Variants in FAT4 observed in about 807,000 individuals in gnomAD.
The protein encoded by FAT4 is protocadherin Fat 4.
In FAT4, 84 loss-of-function variants were observed where a neutral mutation model predicts 303.9. The observed-to-expected ratio is 0.28, with a 90% CI of 0.23 to 0.33. The LOEUF is 0.33. Among genes scored for constraint, FAT4 ranks in the 10% least tolerant of loss-of-function variants. FAT4 has a pLI of 1.00. For missense variants in FAT4, 6,005 were observed against 6,146.8 expected (o/e 0.98, Z 0.77); for synonymous variants, 2,307 against 2,298.8 (o/e 1.00, Z -0.10).
At position 125,317,319 on chromosome 4, in the gene FAT4, G is replaced by T; in HGVS notation, c.908G>T (p.Gly303Val). The T allele has an allele frequency of 6.2e-7, 1 of 1,608,916 alleles. No homozygotes were observed. The highest frequency in any genetic ancestry group is 8.5e-7 in the Non-Finnish European group (1 of 1,176,658). ...CCCTTCCAAATGGACCCTGAGACGG[G>T]ACTTATCACGGTGCGGGAGCCCCTG... is the stretch of plus-strand genomic sequence containing the variant. ...GTPFQMDPETGLITVREPLDF... is the reference protein window; with the variant it reads ...GTPFQMDPETVLITVREPLDF... The change falls in exon 2 of 18, where the codon GGA (glycine) becomes GTA (valine). Residue 303 changes from glycine to valine, a missense_variant. Physicochemically the swap from Gly to Val is moderately radical, Grantham distance 109. Coordinates refer to ENST00000394329, the MANE Select transcript of FAT4 (RefSeq NM_001291303.3). The surrounding 1 kb of genome is among the most constrained non-coding windows in gnomAD (Gnocchi z 7.0).
Position 125,490,346 on chromosome 4 carries a change from C to T in FAT4, c.13530C>T (p.Ile4510=), listed in dbSNP as rs774693839. 3.7e-6 allele frequency: 6 copies of T among 1,613,986 alleles called. No individual in the cohort carries two copies. The highest frequency in any genetic ancestry group is 2.7e-5 in the African/African-American group (2 of 74,904). ...ISLPLWAVPA[I]VGSCATVLAL... ...TGCCTTTGTGGGCTGTGCCTGCCAT[C>T]GTGGGCAGCTGCGCAACCGTCTTGG... is the stretch of plus-strand genomic sequence containing the variant. Residue 4510 remains isoleucine (I), a synonymous_variant, in exon 18 of 18, where the codon ATC becomes ATT. Coordinates refer to ENST00000394329, the MANE Select transcript of FAT4 (RefSeq NM_001291303.3).
chr4:125,475,607 TAAC>T (rs1480813862), intron 12 of FAT4, among the ~76,000 whole-genome samples: 1 of 152,122 alleles, frequency 6.6e-6, no homozygotes, highest in Non-Finnish European at 1.5e-5. Flanking sequence ...TAATTATTCT[TAAC>T]AAAAATGAGA....
At position 125,446,376 on chromosome 4, in the gene FAT4, A is replaced by G. The variant is rs1270316857; in HGVS notation, c.7283A>G (p.Glu2428Gly). The change falls in exon 9 of 18, where the codon GAA (glutamate) becomes GGA (glycine). Residue 2428 changes from glutamate to glycine, a missense_variant. Coordinates refer to ENST00000394329, the MANE Select transcript of FAT4 (RefSeq NM_001291303.3). ...QIITSALLDR[E>G]TKDNYTLVVV... ...ATCACCAGCGCATTGTTAGATAGGG[A>G]AACAAAAGATAATTATACTTTGGTA... is the stretch of plus-strand genomic sequence containing the variant. 2 of 1,613,496 alleles carry G rather than the reference A, an allele frequency of 1.2e-6. No homozygotes were observed. Among genetic ancestry groups the G allele is most frequent in the Admixed American group, 3.3e-5 (2 of 59,978 alleles).
At chr4:125,321,710 C>G in intron 2 of FAT4, 124 bp downstream of exon 2, 1 of 993,168 alleles carries the variant, frequency 1.0e-6, no homozygotes, top group African/African-American at 1.6e-5. Flanking sequence ...ACAGGAACAC[C>G]TAAAAATGTT....
chr4:125,401,552 A>G (rs916467252), intron 3 of FAT4, among the ~76,000 whole-genome samples: 1 of 151,916 alleles, frequency 6.6e-6, no homozygotes, highest in African/African-American at 2.4e-5. Context: ...TACTTTACCT[A>G]ACATATAAGT....
intron 2 of FAT4, among the ~76,000 whole-genome samples, chr4:125,331,078 T>G (rs985107896): frequency 6.6e-6 from 1 of 152,162 alleles, no homozygotes; most frequent in African/African-American, 2.4e-5. Flanking sequence ...CCCTCCAGTT[T>G]TCGTTTTTCT....
chr4:125,444,608 C>A (rs1033163166), intron 8 of FAT4, among the ~76,000 whole-genome samples: 1 of 152,096 alleles, frequency 6.6e-6, no homozygotes, highest in Non-Finnish European at 1.5e-5. Flanking sequence ...CCTATCAACA[C>A]ATTACGCTTA....
intron 11 of FAT4, among the ~76,000 whole-genome samples, chr4:125,467,242 A>G (rs188043568): frequency 1.3e-5 from 2 of 152,290 alleles, no homozygotes; most frequent in African/African-American, 4.8e-5. Flanking sequence ...CAATCAGTAG[A>G]TCTGGCCTCA....
intron 2 of FAT4, among the ~76,000 whole-genome samples, chr4:125,384,723 TA>T (rs1733668410): frequency 6.6e-6 from 1 of 152,006 alleles, no homozygotes; most frequent in South Asian, 2.1e-4. Context: ...ATTTTTTACT[TA>T]GAGCAACATG....
intron 2 of FAT4, among the ~76,000 whole-genome samples, chr4:125,329,877 C>G (rs1731308769): frequency 6.6e-6 from 1 of 152,172 alleles, no homozygotes; most frequent in African/African-American, 2.4e-5. Context: ...TTCTTTCTCA[C>G]CCTACTTACA....
At position 125,406,915 on chromosome 4, in the gene FAT4, T is replaced by A. The variant is rs778409574; in HGVS notation, c.5343T>A (p.Ser1781Arg). The change falls in exon 4 of 18, where the codon AGT (serine) becomes AGA (arginine). Residue 1781 changes from serine to arginine, a missense_variant. Physicochemically the swap from Ser to Arg is moderately radical, Grantham distance 110 (BLOSUM62 -1). Transcript: ENST00000394329. ...CTCTCGTCACATACACTATCATTAG[T>A]GGAGCTGATGATAGTTTTCGCATCG... ...ANALVTYTII[S>R]GADDSFRIDP... 1 of 1,613,630 alleles carries A rather than the reference T, an allele frequency of 6.2e-7. No individual in the cohort carries two copies. The highest frequency in any genetic ancestry group is 1.3e-5 in the African/African-American group (1 of 74,878).
At chr4:125,361,472 G>C (rs891060671) in intron 2 of FAT4, among the ~76,000 whole-genome samples, 1 of 152,136 alleles carries the variant, frequency 6.6e-6, no homozygotes, top group African/African-American at 2.4e-5. Context: ...CATTGTCTTT[G>C]TTTAAAAGGA....
chr4:125,339,410 A>G (rs1475632407), intron 2 of FAT4, among the ~76,000 whole-genome samples: 2 of 151,934 alleles, frequency 1.3e-5, no homozygotes, highest in Non-Finnish European at 2.9e-5. Context: ...GTTAGCCAGG[A>G]TGGTCTCGAT....
chr4:125,383,865 G>A (rs1243173483), intron 2 of FAT4, among the ~76,000 whole-genome samples: 1 of 151,946 alleles, frequency 6.6e-6, no homozygotes, highest in Non-Finnish European at 1.5e-5. Flanking sequence ...ATAAATCCAT[G>A]GAAATCCTTT....
rs1009115257 is a variant in FAT4 at position 125,415,620 on chromosome 4, A to G, written c.6657A>G (p.Arg2219=). The G allele has an allele frequency of 6.2e-7, 1 of 1,613,968 alleles. No homozygotes were observed. Among genetic ancestry groups the G allele is most frequent in the Non-Finnish European group, 8.5e-7 (1 of 1,179,982 alleles). ...GAITVAKPLD[R]EKTPTYHLTV... is the part of the protein sequence containing the mutation. The stretch of plus-strand genomic sequence containing the variant: ...TCACTGTCGCTAAACCTTTGGATAG[A>G]GAAAAGACCCCTACCTACCATTTAA... The change falls in exon 6 of 18, where the codon AGA becomes AGG. Residue 2219 remains arginine (R), a synonymous_variant. Transcript: ENST00000394329.
intron 5 of FAT4, among the ~76,000 whole-genome samples, chr4:125,412,009 C>A (rs72914907): frequency 8.1e-4 from 123 of 151,548 alleles, no homozygotes; most frequent in African/African-American, 2.8e-3. Context: ...GCCATTAAAG[C>A]CCACTAAATT....
intron 2 of FAT4, among the ~76,000 whole-genome samples, chr4:125,378,702 C>G (rs1308250286): frequency 6.6e-6 from 1 of 152,074 alleles, no homozygotes; most frequent in African/African-American, 2.4e-5. Flanking sequence ...GTAAGCATAA[C>G]TTCTAAATTT....
chr4:125,398,336 CAT>C (rs1734259442), intron 2 of FAT4, among the ~76,000 whole-genome samples: 2 of 152,110 alleles, frequency 1.3e-5, no homozygotes, highest in African/African-American at 4.8e-5. Context: ...CTTAAAACAA[CAT>C]GTGAACTTTT....
rs533328224 is a variant in FAT4, at chr4:125,319,656, C to A, written c.3245C>A (p.Ala1082Asp). ...ASDRAVEPLS[A>D]TVNVTVILED... ...GACAGAGCAGTGGAACCCCTTAGTGCTACTGTGAATGTTACTGTAATTTTA... is the reference window on the plus strand; with the variant it reads ...GACAGAGCAGTGGAACCCCTTAGTGATACTGTGAATGTTACTGTAATTTTA... The change falls in exon 2 of 18, where the codon GCT becomes GAT. Residue 1082 changes from alanine (A) to aspartate (D), a missense_variant. Coordinates refer to ENST00000394329, the MANE Select transcript of FAT4 (RefSeq NM_001291303.3). 1.2e-6 allele frequency: 2 copies of A among 1,613,872 alleles called. No homozygotes were observed. Among genetic ancestry groups the A allele is most frequent in the Non-Finnish European group, 1.7e-6 (2 of 1,179,874 alleles).
Sources: allele counts gnomAD v4.1 joint callset (sites outside exome capture counted in the v4.1 genomes callset), GRCh38; gene constraint gnomAD v4.1.1; non-coding constraint Gnocchi (gnomAD v3.1); transcripts MANE v1.5; gene names NCBI Gene and HGNC (gene_info 2026-07-23, HGNC 2026-07-21).